The following CCDC144A variants were observed in gnomAD, a reference collection of about 807,000 sequenced individuals.
CCDC144A encodes the protein coiled-coil domain-containing protein 144A.
A neutral mutation model predicts 143.8 loss-of-function variants in CCDC144A; 41 were observed. That is an observed-to-expected ratio of 0.29 (90% CI 0.22 to 0.37). The LOEUF (loss-of-function observed/expected upper bound fraction) is 0.37, where lower values mean the gene tolerates loss of function less well. Ranked by LOEUF, CCDC144A falls within the 10% of genes least tolerant of loss-of-function variation. The probability of loss-of-function intolerance (pLI) is 1.00; values close to 1 mark genes in which losing one functional copy is unlikely to be tolerated. For synonymous variants in CCDC144A, 242 were observed against 517.9 expected (o/e 0.47, Z 7.23); for missense variants, 637 against 1,488.8 (o/e 0.43, Z 9.41).
chr17:16,748,327 T>A (rs1405857470), intron 12 of CCDC144A, among the ~76,000 whole-genome samples: 1 of 152,232 alleles, frequency 6.6e-6, no homozygotes, highest in East Asian at 1.9e-4. Flanking sequence ...TATTGAAAGC[T>A]TTTTTGCATC....
chr17:16,678,650 A>G, the CCDC144A span, among the ~76,000 whole-genome samples: 1 of 144,012 alleles, frequency 6.9e-6, no homozygotes, highest in African/African-American at 2.6e-5. Context: ...GTGTGATCAC[A>G]GCTCACTGCA....
intron 12 of CCDC144A, among the ~76,000 whole-genome samples, chr17:16,742,089 CAAAA>C (rs1401735609): frequency 9.8e-6 from 1 of 101,892 alleles, no homozygotes. Context: ...GACTCTGTCT[CAAAA>C]AAAAAAAAAA....
chr17:16,730,253 C>T (rs1311131531), intron 9 of CCDC144A, among the ~76,000 whole-genome samples: 1 of 111,826 alleles, frequency 8.9e-6, no homozygotes, highest in Non-Finnish European at 1.8e-5. Flanking sequence ...TGTTCTTTGC[C>T]CAGTTTATGT....
chr17:16,667,559 G>C, the CCDC144A span, among the ~76,000 whole-genome samples: 880 of 152,124 alleles, frequency 5.8e-3, 10 homozygotes, highest in Non-Finnish European at 7.3e-3. Flanking sequence ...GCAGAATCCC[G>C]GGGCTGCTTT....
At chr17:16,745,728 C>T in intron 12 of CCDC144A, 2 of 1,614,028 alleles carry the variant, frequency 1.2e-6, no homozygotes, top group Non-Finnish European at 1.7e-6. Context: ...GAAGTGAGCT[C>T]CTGGATCATA....
chr17:16,769,225 C>T (rs1415828348), intron 15 of CCDC144A, among the ~76,000 whole-genome samples: 2 of 152,140 alleles, frequency 1.3e-5, no homozygotes, highest in African/African-American at 4.8e-5. Context: ...AGACCCTGAG[C>T]CAAGCAAGCA....
chr17:16,725,433 T>A (rs951446124), intron 8 of CCDC144A, among the ~76,000 whole-genome samples: 2 of 151,470 alleles, frequency 1.3e-5, no homozygotes, highest in Non-Finnish European at 2.9e-5. Flanking sequence ...ATCTTAGCAG[T>A]TGCACTACAA....
chr17:16,767,892 G>C (rs1442118497), intron 15 of CCDC144A, among the ~76,000 whole-genome samples: 1 of 152,224 alleles, frequency 6.6e-6, no homozygotes, highest in Admixed American at 6.5e-5. Flanking sequence ...ACCAAACTGA[G>C]AGTCGGGCTG....
At chr17:16,741,588 G>A (rs868204612) in intron 12 of CCDC144A, among the ~76,000 whole-genome samples, 19 of 152,046 alleles carry the variant, frequency 1.2e-4, no homozygotes, top group Admixed American at 3.3e-4. Context: ...CTGTATATAG[G>A]ATGAATGATT....
At chr17:16,690,975 A>T (rs1195059420) in intron 1 of CCDC144A, among the ~76,000 whole-genome samples, 1 of 152,200 alleles carries the variant, frequency 6.6e-6, no homozygotes, top group African/African-American at 2.4e-5. Flanking sequence ...CCATTTTCTC[A>T]ATTTATTCAT....
At chr17:16,667,524 G>C in the CCDC144A span, among the ~76,000 whole-genome samples, 1 of 152,156 alleles carries the variant, frequency 6.6e-6, no homozygotes, top group Non-Finnish European at 1.5e-5. Flanking sequence ...GGGTCCCTGC[G>C]GCTGGGTCCA....
intron 8 of CCDC144A, among the ~76,000 whole-genome samples, chr17:16,722,159 A>G (rs1253918036): frequency 6.6e-6 from 1 of 152,046 alleles, no homozygotes; most frequent in Non-Finnish European, 1.5e-5. Flanking sequence ...TCAGGAATGA[A>G]TGTTGTATTT....
the CCDC144A span, among the ~76,000 whole-genome samples, chr17:16,675,199 G>A: frequency 1.3e-5 from 2 of 151,368 alleles, no homozygotes; most frequent in Non-Finnish European, 2.9e-5. Flanking sequence ...AACCTGGCAG[G>A]TGGAGGTTGC....
intron 4 of CCDC144A, among the ~76,000 whole-genome samples, chr17:16,708,256 A>C (rs2543873): frequency 6.6e-6 from 1 of 152,334 alleles, no homozygotes; most frequent in South Asian, 2.1e-4. Flanking sequence ...TATATAATTT[A>C]AATTAAAACT....
At chr17:16,684,780 A>T (rs1386739537), upstream of CCDC144A, among the ~76,000 whole-genome samples, 1 of 152,106 alleles carries the variant, frequency 6.6e-6, no homozygotes, top group African/African-American at 2.4e-5. Flanking sequence ...CCTGGTTAAC[A>T]TGGTGAGACT....
intron 11 of CCDC144A, among the ~76,000 whole-genome samples, chr17:16,734,144 A>G (rs1398761932): frequency 6.7e-6 from 1 of 149,204 alleles, no homozygotes; most frequent in Admixed American, 6.6e-5. Flanking sequence ...CTATCTCGAA[A>G]AAAAAAAAAA....
chr17:16,755,444 C>T (rs1465143674), intron 12 of CCDC144A, among the ~76,000 whole-genome samples: 2 of 152,052 alleles, frequency 1.3e-5, no homozygotes, highest in Non-Finnish European at 2.9e-5. Context: ...TGGTGGTAGA[C>T]ATTGTCTTTT....
At chr17:16,715,480 CTATT>C (rs1475105599) in intron 6 of CCDC144A, among the ~76,000 whole-genome samples, 6 of 152,216 alleles carry the variant, frequency 3.9e-5, no homozygotes, top group African/African-American at 1.4e-4. Flanking sequence ...TCATTACTCA[CTATT>C]TATTCTTTTA....
intron 6 of CCDC144A, among the ~76,000 whole-genome samples, chr17:16,716,405 T>A (rs1912757591): frequency 6.6e-6 from 1 of 152,022 alleles, no homozygotes; most frequent in Non-Finnish European, 1.5e-5. Flanking sequence ...CACTTTCTCT[T>A]CCATGCAATG....
Sources: allele counts gnomAD v4.1 joint callset (sites outside exome capture counted in the v4.1 genomes callset), GRCh38; gene constraint gnomAD v4.1.1; transcripts MANE v1.5; gene names NCBI Gene and HGNC (gene_info 2026-07-23, HGNC 2026-07-21).